The following TG variants were observed in gnomAD, a reference collection of about 807,000 sequenced individuals.
TG encodes thyroglobulin.
TG carries 270 observed loss-of-function variants against 324.7 expected under a neutral mutation model. The observed-to-expected ratio is 0.83, with a 90% CI of 0.75 to 0.92. TG has a LOEUF of 0.92. Among genes scored for constraint, TG ranks in the 40% least tolerant of loss-of-function variants. The probability of loss-of-function intolerance (pLI) is 0.00; values close to 1 mark genes in which losing one functional copy is unlikely to be tolerated. For missense variants in TG, 3,591 were observed against 3,456.4 expected, an observed-to-expected ratio of 1.04 and a Z score of -0.98; for synonymous variants, 1,401 against 1,327.0, an observed-to-expected ratio of 1.06 and a Z score of -1.21.
chr8:133,112,338 A>G (rs536762887), intron 43 of TG, among the ~76,000 whole-genome samples: 2 of 152,386 alleles, frequency 1.3e-5, no homozygotes, highest in African/African-American at 2.4e-5. Context: ...ATATGTAAAC[A>G]CATAGCACAG....
At chr8:132,955,532 A>T (rs1295816625) in intron 27 of TG, among the ~76,000 whole-genome samples, 1 of 152,216 alleles carries the variant, frequency 6.6e-6, no homozygotes, top group East Asian at 1.9e-4. Flanking sequence ...TCCTGCCAGC[A>T]TAGGAGTGAC....
chr8:132,939,238 A>T (rs992074586), intron 25 of TG, among the ~76,000 whole-genome samples: 1 of 152,100 alleles, frequency 6.6e-6, no homozygotes, highest in Non-Finnish European at 1.5e-5. Context: ...ACTATTGAGC[A>T]TTTGGAAGGT....
chr8:132,949,078 A>C, intron 27 of TG, 135 bp downstream of exon 27: 2 of 804,740 alleles, frequency 2.5e-6, no homozygotes, highest in Non-Finnish European at 4.0e-6. Context: ...AACTTTACCA[A>C]TCATACTGGA....
intron 3 of TG, among the ~76,000 whole-genome samples, chr8:132,870,044 A>G (rs563114349): frequency 5.9e-5 from 9 of 152,290 alleles, no homozygotes; most frequent in African/African-American, 1.9e-4. Flanking sequence ...ATATCTACCC[A>G]GTTCCTCCCA....
intron 35 of TG, chr8:132,994,599 A>T (rs1587712914): frequency 2.8e-6 from 3 of 1,090,012 alleles, no homozygotes; most frequent in African/African-American, 1.7e-5. Context: ...AGTTTTTTTT[A>T]AATGATCCTT....
In TG at chr8:132,871,474, A is replaced by G. The variant is rs1839474473; in HGVS notation, c.401A>G (p.Gln134Arg). 5 of 1,614,210 alleles carry G rather than the reference A, an allele frequency of 3.1e-6. No homozygotes were observed. Among genetic ancestry groups the G allele is most frequent in the Non-Finnish European group, 4.2e-6 (5 of 1,180,030 alleles). The change falls in exon 4 of 48, where the codon CAG (glutamine) becomes CGG (arginine). Residue 134 changes from glutamine to arginine, a missense_variant. Gln to Arg is a conservative substitution (Grantham distance 43). Coordinates refer to ENST00000220616, the MANE Select transcript of TG (RefSeq NM_003235.5). ...TACGCGCCTGTTCAGTGTGATGTGC[A>G]GCAGGTCCAGTGCTGGTGTGTGGAC... ...GDYAPVQCDV[Q>R]QVQCWCVDAE...
chr8:132,949,223 A>G (rs1825770159), intron 27 of TG, among the ~76,000 whole-genome samples: 2 of 152,160 alleles, frequency 1.3e-5, no homozygotes, highest in Admixed American at 6.5e-5. Context: ...GTTAGCTGGC[A>G]ATTGATGGAT....
chr8:133,051,661 C>T (rs776274635), intron 41 of TG, among the ~76,000 whole-genome samples: 2 of 152,142 alleles, frequency 1.3e-5, no homozygotes, highest in African/African-American at 2.4e-5. Context: ...TGGTTCCTGA[C>T]TGTAGAGGAG....
chr8:132,951,804 A>G (rs1826140323), intron 27 of TG, among the ~76,000 whole-genome samples: 1 of 152,244 alleles, frequency 6.6e-6, no homozygotes, highest in African/African-American at 2.4e-5. Context: ...GTCTTTTAGT[A>G]CGATTAACCC....
Position 133,022,131 on chromosome 8 carries a change from C to T in TG, c.7017C>T (p.Val2339=). Residue 2339 remains valine (V), a synonymous_variant, in exon 40 of 48, where the codon GTC becomes GTT. Coordinates refer to ENST00000220616, the MANE Select transcript of TG (RefSeq NM_003235.5). ...TCACTGCCAGCTACCGAGTGGGTGTCTTCGGCTTCCTGAGTTCTGGTGAGT... is the reference window on the plus strand; with the variant it reads ...TCACTGCCAGCTACCGAGTGGGTGTTTTCGGCTTCCTGAGTTCTGGTGAGT... The part of the protein sequence containing the change: ...IVVTASYRVG[V]FGFLSSGSGE... The T allele has an allele frequency of 6.2e-7, 1 of 1,614,152 alleles. No individual in the cohort carries two copies. Among genetic ancestry groups the T allele is most frequent in the Non-Finnish European group, 8.5e-7 (1 of 1,180,038 alleles).
In TG at chr8:132,882,921, G is replaced by T; in HGVS notation, c.997G>T (p.Glu333Ter). 1 of 1,614,196 alleles carries T rather than the reference G, an allele frequency of 6.2e-7. No homozygotes were observed. The highest frequency in any genetic ancestry group is 8.5e-7 in the Non-Finnish European group (1 of 1,180,036). Residue 333 changes from glutamate to a stop codon, truncating the protein, a stop_gained, in exon 8 of 48, where the codon GAA (glutamate) becomes TAA (stop). Coordinates refer to ENST00000220616, the MANE Select transcript of TG (RefSeq NM_003235.5). LOFTEE classifies it high-confidence loss of function. Reference protein sequence around the residue: ...GDYQAVQCQTEGPCWCVDAQG... With the variant: ...GDYQAVQCQT ...CTATCAGGCGGTGCAGTGCCAGACG[G>T]AAGGGCCCTGCTGGTGTGTGGACGC...
Position 132,971,782 on chromosome 8 carries a change from T to G in TG, c.5976-12T>G, listed in dbSNP as rs748146354. On this transcript the variant is annotated splice_polypyrimidine_tract_variant and intron_variant, in intron 32 of 47. Coordinates refer to ENST00000220616, the MANE Select transcript of TG (RefSeq NM_003235.5). ...AAAACCTTCAGGCCTGCTCTTTCTCTTCCTATGCCAGGTTCTTTGAATGTG... is the reference window on the plus strand; with the variant it reads ...AAAACCTTCAGGCCTGCTCTTTCTCGTCCTATGCCAGGTTCTTTGAATGTG... 1.6e-5 allele frequency: 25 copies of G among 1,607,502 alleles called. No homozygotes were observed. The Admixed American group carries it at 4.0e-4, about 26-fold the overall frequency.
chr8:132,950,210 T>C (rs1265221718), intron 27 of TG, among the ~76,000 whole-genome samples: 1 of 152,216 alleles, frequency 6.6e-6, no homozygotes, highest in African/African-American at 2.4e-5. Context: ...GAAGCCCTGC[T>C]CCTCGTTGTC....
chr8:132,893,078 G>GGTGTATGTGTGTGGTGTTC (rs1192920377), intron 10 of TG, among the ~76,000 whole-genome samples: 13 of 143,388 alleles, frequency 9.1e-5, no homozygotes, highest in African/African-American at 3.4e-4. Context: ...GTGTGTGGGT[G>GGTGTATGTGTGTGGTGTTC]GTGTATGTGT....
At chr8:132,925,516 C>CGTGTGCGTGT (rs1554670098) in intron 22 of TG, among the ~76,000 whole-genome samples, 3 of 144,732 alleles carry the variant, frequency 2.1e-5, no homozygotes, top group Non-Finnish European at 3.0e-5. Flanking sequence ...CTAAGGAGTG[C>CGTGTGCGTGT]GTGTGTGTGT....
chr8:133,084,222 T>C (rs946856162), intron 41 of TG, among the ~76,000 whole-genome samples: 1 of 151,908 alleles, frequency 6.6e-6, no homozygotes, highest in African/African-American at 2.4e-5. Flanking sequence ...GGAAGGAAAA[T>C]AGAAAAAGAC....
At chr8:132,929,730 T>C (rs1054531039) in intron 23 of TG, among the ~76,000 whole-genome samples, 2 of 152,236 alleles carry the variant, frequency 1.3e-5, no homozygotes, top group African/African-American at 4.8e-5. Flanking sequence ...TTTTTTGTTT[T>C]AAATGATTTT....
At chr8:133,055,454 C>G (rs75666239) in intron 41 of TG, among the ~76,000 whole-genome samples, 57 of 151,998 alleles carry the variant, frequency 3.8e-4, no homozygotes, top group African/African-American at 1.4e-3. Context: ...GACCATCTAG[C>G]CTGGTAGAAG....
chr8:132,980,069 A>G (rs1387182050), intron 34 of TG, among the ~76,000 whole-genome samples: 3 of 152,062 alleles, frequency 2.0e-5, no homozygotes, highest in East Asian at 1.9e-4. Context: ...GAAGGGGTGC[A>G]TAGGACAAGG....
Sources: allele counts gnomAD v4.1 joint callset (sites outside exome capture counted in the v4.1 genomes callset), GRCh38; gene constraint gnomAD v4.1.1; transcripts MANE v1.5; gene names NCBI Gene and HGNC (gene_info 2026-07-23, HGNC 2026-07-21).